Variants in TCOF1 observed in about 807,000 individuals in gnomAD.
The protein encoded by TCOF1 is treacle ribosome biogenesis factor 1.
Under a neutral mutation model 149.0 loss-of-function variants are expected in TCOF1, and 33 were observed. The observed-to-expected ratio is 0.22, with a 90% CI of 0.17 to 0.30. TCOF1 has a LOEUF of 0.30. Among genes scored for constraint, TCOF1 ranks in the 10% least tolerant of loss-of-function variants. TCOF1 has a pLI of 1.00. For synonymous variants in TCOF1, 789 were observed against 738.8 expected, an observed-to-expected ratio of 1.07 and a Z score of -1.10; for missense variants, 1,728 against 1,840.7, an observed-to-expected ratio of 0.94 and a Z score of 1.12.
intron 17 of TCOF1, among the ~76,000 whole-genome samples, chr5:150,385,447 C>T (rs1409298238): frequency 6.6e-6 from 1 of 152,202 alleles, no homozygotes; most frequent in Non-Finnish European, 1.5e-5. Context: ...GATGAGACTT[C>T]CTGGGTTGGT....
At chr5:150,378,381 T>C (rs192628571) in intron 14 of TCOF1, among the ~76,000 whole-genome samples, 2 of 152,220 alleles carry the variant, frequency 1.3e-5, no homozygotes, top group Non-Finnish European at 2.9e-5. Context: ...TAAGGCTAGA[T>C]TAAGCTGAAG....
chr5:150,363,698 C>G (rs1331785952), intron 2 of TCOF1, among the ~76,000 whole-genome samples: 1 of 152,156 alleles, frequency 6.6e-6, no homozygotes, highest in Non-Finnish European at 1.5e-5. Flanking sequence ...TCGAGGGCCT[C>G]TCTTGGGGGG....
At chr5:150,391,012 G>A (rs947771472) in intron 19 of TCOF1, among the ~76,000 whole-genome samples, 1 of 152,218 alleles carries the variant, frequency 6.6e-6, no homozygotes, top group Non-Finnish European at 1.5e-5. Context: ...TGCTTAAGCA[G>A]AAAAAGCAGC....
intron 24 of TCOF1, among the ~76,000 whole-genome samples, chr5:150,397,258 G>T (rs941323413): frequency 7.9e-5 from 12 of 151,528 alleles, no homozygotes; most frequent in Non-Finnish European, 1.3e-4. Context: ...AGTCAGCACT[G>T]CCAGGAATGC....
At position 150,396,650 on chromosome 5, in the gene TCOF1, A is replaced by G. The variant is rs551923695; in HGVS notation, c.4153A>G (p.Thr1385Ala). 34 of 1,608,714 alleles carry G rather than the reference A, an allele frequency of 2.1e-5. 1 individual carries two copies. In the South Asian group the frequency reaches 3.7e-4, roughly 17 times the overall value. ...CTCTGTTTCCCCAGAAAAGACCTCC[A>G]CGACTTCCAAGGGGAAAGCAAAGAG... ...EASVSPEKTS[T>A]TSKGKAKRDK... The change falls in exon 24 of 27, where the codon ACG becomes GCG. Residue 1385 changes from threonine to alanine, a missense_variant. This residue lies in a region of TCOF1 where 1,696 missense variants were observed against 1,765.4 expected (regional missense o/e 0.96). Coordinates refer to ENST00000643257, the MANE Select transcript of TCOF1 (RefSeq NM_001371623.1).
intron 26 of TCOF1, 135 bp downstream of exon 26, chr5:150,399,205 C>A: frequency 7.9e-7 from 1 of 1,268,180 alleles, no homozygotes; most frequent in Non-Finnish European, 1.1e-6. Flanking sequence ...GTTCTGTTGC[C>A]AAGGGTCCAT....
intron 7 of TCOF1, among the ~76,000 whole-genome samples, chr5:150,373,667 G>T (rs1327863549): frequency 1.3e-5 from 2 of 152,230 alleles, no homozygotes; most frequent in East Asian, 1.9e-4. Flanking sequence ...TGCTGTCCAT[G>T]TGCAGAAAGT....
At chr5:150,393,311 G>C in intron 22 of TCOF1, 61 bp from the exon 23 acceptor site, 1 of 1,605,626 alleles carries the variant, frequency 6.2e-7, no homozygotes, top group Non-Finnish European at 8.5e-7. Context: ...GCCATGACTC[G>C]GGCTGGGTTA....
intron 20 of TCOF1, 95 bp downstream of exon 20, chr5:150,391,752 C>A: frequency 1.5e-6 from 2 of 1,297,492 alleles, no homozygotes; most frequent in Non-Finnish European, 2.2e-6. Flanking sequence ...TGCCCCATGA[C>A]CTCTGCACTT....
At chr5:150,383,464 C>T (rs1349228647) in intron 17 of TCOF1, among the ~76,000 whole-genome samples, 1 of 152,202 alleles carries the variant, frequency 6.6e-6, no homozygotes, top group Admixed American at 6.5e-5. Flanking sequence ...GTGTGAGGCT[C>T]AATGTTTCAG....
intron 6 of TCOF1, among the ~76,000 whole-genome samples, chr5:150,370,798 C>T (rs1562319539): frequency 6.6e-6 from 1 of 152,146 alleles, no homozygotes; most frequent in Non-Finnish European, 1.5e-5. Flanking sequence ...GAAACCCTGT[C>T]TCTACAAGAT....
At chr5:150,388,659 C>A (rs150377558) in intron 18 of TCOF1, among the ~76,000 whole-genome samples, 128 of 152,310 alleles carry the variant, frequency 8.4e-4, no homozygotes, top group African/African-American at 3.1e-3. Context: ...AAAATGCAGA[C>A]GGGTGCAGTG....
At chr5:150,384,572 G>T in intron 17 of TCOF1, 4 of 985,458 alleles carry the variant, frequency 4.1e-6, no homozygotes, top group Non-Finnish European at 4.8e-6. Context: ...GGAGGGAGGG[G>T]ACCGCTCCCC....
At chr5:150,385,632 A>G (rs1327332196) in intron 17 of TCOF1, among the ~76,000 whole-genome samples, 1 of 152,136 alleles carries the variant, frequency 6.6e-6, no homozygotes, top group Non-Finnish European at 1.5e-5. Flanking sequence ...CTAGGCCATC[A>G]GCCCCCTCTC....
chr5:150,360,194 A>G (rs1211504843), intron 1 of TCOF1, among the ~76,000 whole-genome samples: 1 of 152,244 alleles, frequency 6.6e-6, no homozygotes, highest in Non-Finnish European at 1.5e-5. Context: ...CATGTTAAGA[A>G]GAAATCTGAA....
At chr5:150,357,885 G>C in intron 1 of TCOF1, 31 bp downstream of exon 1, 1 of 1,543,876 alleles carries the variant, frequency 6.5e-7, no homozygotes, top group Non-Finnish European at 8.7e-7. Flanking sequence ...TGCGAGGGCC[G>C]CGTGCAAGAT....
At chr5:150,386,840 A>G (rs1766403776) in intron 17 of TCOF1, among the ~76,000 whole-genome samples, 1 of 152,250 alleles carries the variant, frequency 6.6e-6, no homozygotes, top group African/African-American at 2.4e-5. Flanking sequence ...TGTGCGGTGA[A>G]CATGTTCAGG....
chr5:150,387,090 A>ATGT (rs1766450853), intron 17 of TCOF1, among the ~76,000 whole-genome samples: 1 of 152,206 alleles, frequency 6.6e-6, no homozygotes, highest in Admixed American at 6.5e-5. Context: ...CCAGTCTCAG[A>ATGT]CATGTCAGCT....
At chr5:150,371,187 C>T (rs1277175054) in intron 6 of TCOF1, among the ~76,000 whole-genome samples, 1 of 152,150 alleles carries the variant, frequency 6.6e-6, no homozygotes, top group Non-Finnish European at 1.5e-5. Context: ...GGGAACTTCT[C>T]ACTTTACTGT....
Sources: allele counts gnomAD v4.1 joint callset (sites outside exome capture counted in the v4.1 genomes callset), GRCh38; gene constraint gnomAD v4.1.1; regional missense constraint gnomAD v4.1.1; transcripts MANE v1.5; gene names NCBI Gene and HGNC (gene_info 2026-07-23, HGNC 2026-07-21).